The following MEIOSIN variants were observed in gnomAD, a reference collection of about 807,000 sequenced individuals.
MEIOSIN encodes meiosis initiator protein.
A neutral mutation model predicts 23.4 loss-of-function variants in MEIOSIN; 18 were observed. That is an observed-to-expected ratio of 0.77 (90% CI 0.53 to 1.14). The LOEUF (loss-of-function observed/expected upper bound fraction) is 1.14. Ranked by LOEUF, MEIOSIN falls within the 50% of genes most tolerant of loss-of-function variation. The probability of loss-of-function intolerance (pLI) is 0.00; values close to 1 mark genes in which losing one functional copy is unlikely to be tolerated. For missense variants in MEIOSIN, 428 were observed against 242.9 expected, an observed-to-expected ratio of 1.76 and a Z score of -5.07; for synonymous variants, 187 against 100.6, an observed-to-expected ratio of 1.86 and a Z score of -5.14.
At chr19:45,739,930 C>T (rs1046508020) in intron 3 of MEIOSIN, among the ~76,000 whole-genome samples, 200 bp downstream of exon 3, 4 of 152,102 alleles carry the variant, frequency 2.6e-5, no homozygotes, top group African/African-American at 9.7e-5. Context: ...TCACTGTAAC[C>T]TCTGCCTCTA....
At position 45,759,465 on chromosome 19, in the gene MEIOSIN, A is replaced by G; in HGVS notation, c.1220A>G (p.Tyr407Cys). Residue 407 changes from tyrosine to cysteine, a missense_variant, in exon 11 of 15, where the codon TAC becomes TGC. Tyr to Cys is a radical substitution (Grantham distance 194). Transcript: ENST00000457052. ...GATCTGGAGTCTTCACCTTCAGCCT[A>G]CACGCAGGAGGCTCCACAGGAAAAG... ...CLDLESSPSA[Y>C]TQEAPQEKDT... The G allele has an allele frequency of 1.4e-6, 1 of 703,442 alleles. No individual in the cohort carries two copies. The highest frequency in any genetic ancestry group is 2.6e-6 in the Non-Finnish European group (1 of 385,084). The allele number at this position is 703,442 out of a possible 1,614,324, so 43.6% of individuals were successfully genotyped here.
chr19:45,749,393 A>AAT (rs1968649995), intron 4 of MEIOSIN, among the ~76,000 whole-genome samples: 1 of 146,716 alleles, frequency 6.8e-6, no homozygotes, highest in Non-Finnish European at 1.5e-5. Flanking sequence ...AAAAAAAAAA[A>AAT]GGCCGAGCGC....
chr19:45,737,673 C>T (rs1600374046), intron 2 of MEIOSIN, among the ~76,000 whole-genome samples: 1 of 151,792 alleles, frequency 6.6e-6, no homozygotes, highest in East Asian at 2.0e-4. Context: ...TGGCTCACAC[C>T]TATAATCTCA....
In MEIOSIN at chr19:45,755,007, C is replaced by A. The variant is rs147121085; in HGVS notation, c.802+283C>A. On this transcript the variant is annotated intron_variant, in intron 7 of 14. Transcript: ENST00000457052. ...TCCGCCTCAGGCCTCACTTGGCTCT[C>A]CCATGCCCCAGTCACTGCACTGGTT... Among the ~76,000 whole-genome samples, 6 of 152,280 alleles carry A rather than the reference C, an allele frequency of 3.9e-5. No individual in the cohort carries two copies. The East Asian group carries it at 1.2e-3, about 29-fold the overall frequency.
intron 11 of MEIOSIN, among the ~76,000 whole-genome samples, chr19:45,761,444 TTTTTTTTG>T (rs1968939857): frequency 7.0e-6 from 1 of 143,236 alleles, no homozygotes; most frequent in Non-Finnish European, 1.5e-5. Flanking sequence ...TTTTTTTTTT[TTTTTTTTG>T]TAGAACAAGG....
intron 3 of MEIOSIN, among the ~76,000 whole-genome samples, chr19:45,743,800 G>C (rs1018346249): frequency 6.6e-6 from 1 of 151,996 alleles, no homozygotes; most frequent in African/African-American, 2.4e-5. Flanking sequence ...GGGATTACAG[G>C]TGTGAGCCAC....
intron 2 of MEIOSIN, 123 bp from the exon 3 acceptor site, chr19:45,739,503 A>G: frequency 2.3e-5 from 15 of 649,652 alleles, no homozygotes; most frequent in South Asian, 1.9e-4. Flanking sequence ...TTCCAGGTCT[A>G]TATCTTGCCA....
intron 13 of MEIOSIN, among the ~76,000 whole-genome samples, chr19:45,762,415 A>G (rs1238942677): frequency 1.3e-5 from 2 of 152,114 alleles, no homozygotes; most frequent in Non-Finnish European, 2.9e-5. Flanking sequence ...TTCAGAAAAA[A>G]AGGAGTTTTT....
intron 6 of MEIOSIN, 125 bp from the exon 7 acceptor site, chr19:45,754,354 G>A: frequency 1.6e-6 from 1 of 606,330 alleles, no homozygotes; most frequent in Non-Finnish European, 2.9e-6. Flanking sequence ...TGAGGATCTG[G>A]GCATTCCCAT....
In MEIOSIN at chr19:45,761,882, C is replaced by T. The variant is rs974100228; in HGVS notation, c.1434+15C>T. The T allele has an allele frequency of 1.9e-5, 12 of 637,408 alleles. No individual in the cohort carries two copies. The highest frequency in any genetic ancestry group is 7.2e-5 in the African/African-American group (4 of 55,596). The allele number at this position is 637,408 out of a possible 1,614,324, so 39.5% of individuals were successfully genotyped here. A position where few individuals can be genotyped will look rare whatever the true frequency, so the allele number is the denominator to read the frequency against. ...AGCAGCGAGAGGTGAGAGACACGGC[C>T]GCATGCCAGGGCCAGCAGGGCCTCC... On this transcript the variant is annotated intron_variant, in intron 12 of 14. Coordinates refer to ENST00000457052, the MANE Select transcript of MEIOSIN (RefSeq NM_001310124.2).
chr19:45,735,297 T>C (rs2041975), intron 1 of MEIOSIN, 80 bp from the exon 2 acceptor site: 337,106 of 686,928 alleles, frequency 0.49, 85,149 homozygotes, highest in East Asian at 0.67. Flanking sequence ...ATAGGGAAGA[T>C]GAAGGGTGCC....
chr19:45,745,786 G>A (rs973809556), intron 4 of MEIOSIN, among the ~76,000 whole-genome samples: 4 of 152,074 alleles, frequency 2.6e-5, no homozygotes, highest in East Asian at 1.9e-4. Context: ...TGGTCAGGCC[G>A]GTCTCAAATT....
At chr19:45,758,115 C>T (rs1296850781) in intron 9 of MEIOSIN, among the ~76,000 whole-genome samples, 3 of 151,612 alleles carry the variant, frequency 2.0e-5, no homozygotes, top group Non-Finnish European at 4.4e-5. Flanking sequence ...CTGTGTCAGC[C>T]TCTGAGTAGC....
intron 3 of MEIOSIN, among the ~76,000 whole-genome samples, chr19:45,741,713 A>AAACC (rs1315783704): frequency 3.9e-5 from 6 of 152,038 alleles, no homozygotes; most frequent in Admixed American, 6.6e-5. Context: ...TCTGCCTCAG[A>AAACC]AACCAACCAA....
At chr19:45,742,281 C>G (rs1172512523) in intron 3 of MEIOSIN, among the ~76,000 whole-genome samples, 1 of 152,084 alleles carries the variant, frequency 6.6e-6, no homozygotes, top group Non-Finnish European at 1.5e-5. Context: ...GCTGGGATTA[C>G]AGGTGTGAGC....
In MEIOSIN at chr19:45,737,014, G is replaced by A. The variant is rs189481828; in HGVS notation, c.71+1567G>A. On this transcript the variant is annotated intron_variant, in intron 2 of 14. Transcript: ENST00000457052. ...CTCCCGAGTAGCTGAGACTACAGGC[G>A]CATGCCACCACGCCCAGCAAATTTT... Among the ~76,000 whole-genome samples the A allele has an allele frequency of 2.2e-4, 34 of 151,726 alleles. No individual in the cohort carries two copies. In the East Asian group the frequency reaches 5.6e-3, roughly 25 times the overall value.
At chr19:45,755,391 C>T (rs566205013) in intron 7 of MEIOSIN, among the ~76,000 whole-genome samples, 2 of 151,570 alleles carry the variant, frequency 1.3e-5, no homozygotes, top group South Asian at 4.2e-4. Flanking sequence ...CTCAGGTGAT[C>T]GCCCACCTTG....
Position 45,749,134 on chromosome 19 carries a change from G to A in MEIOSIN, c.307-1541G>A, listed in dbSNP as rs1342785092. 2.0e-5 allele frequency among the ~76,000 whole-genome samples: 3 copies of A among 151,934 alleles called. No homozygotes were observed. The East Asian group carries it at 5.8e-4, about 29-fold the overall frequency. On this transcript the variant is annotated intron_variant, in intron 4 of 14. Transcript: ENST00000457052. ...GCCTGTAATCCCAGCACTTTGGGAG[G>A]CCAAGGCGGGTGGATCACTTGAGCC...
intron 8 of MEIOSIN, among the ~76,000 whole-genome samples, chr19:45,756,737 T>G (rs1209317754): frequency 6.6e-6 from 1 of 152,186 alleles, no homozygotes; most frequent in African/African-American, 2.4e-5. Context: ...ATATTTCACC[T>G]GGCCTTTGAG....
Sources: allele counts gnomAD v4.1 joint callset (sites outside exome capture counted in the v4.1 genomes callset), GRCh38; gene constraint gnomAD v4.1.1; transcripts MANE v1.5; gene names NCBI Gene and HGNC (gene_info 2026-07-23, HGNC 2026-07-21).